Variants in MYBPC3 observed in about 807,000 individuals in gnomAD.
The protein encoded by MYBPC3 is myosin-binding protein C, cardiac-type.
MYBPC3 carries 108 observed loss-of-function variants against 159.3 expected under a neutral mutation model. That is an observed-to-expected ratio of 0.68 (90% CI 0.58 to 0.80). The LOEUF is 0.80. Ranked by LOEUF, MYBPC3 falls within the 30% of genes least tolerant of loss-of-function variation. The pLI is 0.00. For missense variants in MYBPC3, 1,631 were observed against 1,762.1 expected (o/e 0.93, Z 1.33); for synonymous variants, 730 against 702.0 (o/e 1.04, Z -0.63).
rs555303670 is a variant in MYBPC3 at position 47,349,380 on chromosome 11, C to T, written c.654+394G>A. ...GGTTAATCCCTGAGAGTCCCTTGAG[C>T]CCTTAGCCCTGATACTCACCCATCC... On this transcript the variant is annotated intron_variant, in intron 5 of 34. Coordinates refer to ENST00000545968, the MANE Select transcript of MYBPC3 (RefSeq NM_000256.3). Among the ~76,000 whole-genome samples, 10 of 152,240 alleles carry T rather than the reference C, an allele frequency of 6.6e-5. No homozygotes were observed. In the South Asian group the frequency reaches 1.9e-3, roughly 28 times the overall value.
At position 47,347,895 on chromosome 11, in the gene MYBPC3, G is replaced by T. The variant is rs766472497; in HGVS notation, c.783C>A (p.Gly261=). 6.4e-7 allele frequency: 1 copy of T among 1,573,028 alleles called. No homozygotes were observed. The highest frequency in any genetic ancestry group is 2.4e-5 in the East Asian group (1 of 42,506). The change falls in exon 7 of 35, where the codon GGC becomes GGA. Residue 261 remains glycine (G), a synonymous_variant. Coordinates refer to ENST00000545968, the MANE Select transcript of MYBPC3 (RefSeq NM_000256.3). ...CTGATAGGAGGTCCAGGTCTCCGGTGCCCATGGCCTCTGGGTTCAAAGGGT... is the reference window on the plus strand; with the variant it reads ...CTGATAGGAGGTCCAGGTCTCCGGTTCCCATGGCCTCTGGGTTCAAAGGGT... The part of the protein sequence containing the change: ...NFNLTVHEAM[G]TGDLDLLSAF...
intron 18 of MYBPC3, 137 bp downstream of exon 18, chr11:47,341,854 C>T (rs1217393321): frequency 1.7e-6 from 2 of 1,195,844 alleles, no homozygotes; most frequent in African/African-American, 3.1e-5. Flanking sequence ...GGGTCTCTGT[C>T]TCAGTCTCTG....
chr11:47,331,649 C>G lies in MYBPC3; in HGVS notation c.*94G>C. On this transcript the variant is annotated 3_prime_UTR_variant, in exon 35 of 35. Transcript: ENST00000545968. ...GAGACACACTTGTCACACATACATC[C>G]AACAGTAGGGAGGGGTTTCCCCAAC... is the stretch of plus-strand genomic sequence containing the variant. 1 of 598,264 alleles carries G rather than the reference C, an allele frequency of 1.7e-6. No individual in the cohort carries two copies. The highest frequency in any genetic ancestry group is 2.1e-5 in the South Asian group (1 of 47,820). 37.1% of individuals were successfully genotyped at this position (598,264 alleles called of 1,614,324 possible).
At chr11:47,340,937 G>A (rs1383066543) in intron 20 of MYBPC3, 66 bp downstream of exon 20, 2 of 1,448,422 alleles carry the variant, frequency 1.4e-6, no homozygotes, top group African/African-American at 1.4e-5. Context: ...TGAGTGGAGG[G>A]GAGGCCTGCG....
chr11:47,349,776 T>C lies in MYBPC3; in HGVS notation c.652A>G (p.Lys218Glu), dbSNP rs1193448062. ...CTCCACGACCCCGGTGGACCCACCT[T>C]GCTGGCGCGGTCGTAGCTGTCGTGC... ...QLHDSYDRAS[K>E]VYLFELHITD... Residue 218 changes from lysine to glutamate, a missense_variant and splice_region_variant, in exon 5 of 35, where the codon AAG (lysine) becomes GAG (glutamate). Coordinates refer to ENST00000545968, the MANE Select transcript of MYBPC3 (RefSeq NM_000256.3). 1 of 1,604,400 alleles carries C rather than the reference T, an allele frequency of 6.2e-7. No homozygotes were observed. Among genetic ancestry groups the C allele is most frequent in the Non-Finnish European group, 8.5e-7 (1 of 1,179,642 alleles).
intron 20 of MYBPC3, among the ~76,000 whole-genome samples, chr11:47,340,675 TAAAA>T (rs1271657940): frequency 1.3e-5 from 2 of 150,462 alleles, no homozygotes; most frequent in South Asian, 2.1e-4. Context: ...TCAAAAAAAA[TAAAA>T]ATAAAAAAAA....
At chr11:47,350,155 G>C in intron 3 of MYBPC3, 43 bp from the exon 4 acceptor site, 1 of 1,533,804 alleles carries the variant, frequency 6.5e-7, no homozygotes, top group Non-Finnish European at 8.8e-7. Context: ...ATGGAGTCTT[G>C]CTCTGTCACC....
rs1398419759 is a variant in MYBPC3, at chr11:47,337,074, C to T, written c.2602+317G>A. Among the ~76,000 whole-genome samples the T allele has an allele frequency of 3.3e-5, 5 of 152,366 alleles. No individual in the cohort carries two copies. The East Asian group carries it at 9.6e-4, about 29-fold the overall frequency. Reference sequence around the variant, plus strand: ...GCCTGCCTGGTCATCCCATATCATCCTAACAGCTCTCTGAGATAGGCAGTG... The same window carrying T: ...GCCTGCCTGGTCATCCCATATCATCTTAACAGCTCTCTGAGATAGGCAGTG... On this transcript the variant is annotated intron_variant, in intron 25 of 34. Coordinates refer to ENST00000545968, the MANE Select transcript of MYBPC3 (RefSeq NM_000256.3).
intron 25 of MYBPC3, chr11:47,336,489 C>CAAAAAAAAAAAAAAA (rs34527074): frequency 4.4e-5 from 3 of 67,614 alleles, no homozygotes; most frequent in African/African-American, 6.3e-5. Context: ...GACTCCATCT[C>CAAAAAAAAAAAAAAA]AAAAAAAAAA....
rs2095893750 is a variant in MYBPC3, at chr11:47,346,098, G to C, written c.1090+109C>G. On this transcript the variant is annotated intron_variant, in intron 12 of 34. Coordinates refer to ENST00000545968, the MANE Select transcript of MYBPC3 (RefSeq NM_000256.3). The surrounding 1 kb of genome is among the most constrained non-coding windows in gnomAD (Gnocchi z 5.3). ...TGTGGACGAGGTGGGGGGCTAACCT[G>C]TGCCCTCTCCTCTCCCCTGTGGGGA... The C allele has an allele frequency of 6.9e-7, 1 of 1,454,342 alleles. No individual in the cohort carries two copies. The highest frequency in any genetic ancestry group is 2.0e-5 in the Admixed American group (1 of 49,578). The allele number at this position is 1,454,342 out of a possible 1,614,324, so 90.1% of individuals were successfully genotyped here. A position where few individuals can be genotyped will look rare whatever the true frequency, so the allele number is the denominator to read the frequency against.
intron 25 of MYBPC3, among the ~76,000 whole-genome samples, chr11:47,337,057 G>A (rs927704083): frequency 2.6e-5 from 4 of 152,210 alleles, no homozygotes; most frequent in Non-Finnish European, 4.4e-5. Context: ...TGGCCTGCCT[G>A]GTCATCCCAT....
chr11:47,343,576 T>C lies in MYBPC3; in HGVS notation c.1139A>G (p.Lys380Arg), dbSNP rs1377634776. ...AGCCAGTTCCACGGTCAGCCGGATC[T>C]TGTGGCCTTTGCTCACCTGGTAGGC... The part of the protein sequence containing the change: ...EPAYQVSKGH[K>R]IRLTVELADH... The change falls in exon 13 of 35, where the codon AAG (lysine) becomes AGG (arginine). Residue 380 changes from lysine to arginine, a missense_variant. By Grantham distance (26) the Lys-to-Arg change is conservative. Transcript: ENST00000545968. The C allele has an allele frequency of 1.9e-6, 3 of 1,612,890 alleles. No homozygotes were observed. Among genetic ancestry groups the C allele is most frequent in the Middle Eastern group, 1.6e-4 (1 of 6,072 alleles).
chr11:47,338,292 A>T lies in MYBPC3; in HGVS notation c.2308+228T>A, dbSNP rs1275457262. 6.6e-6 allele frequency among the ~76,000 whole-genome samples: 1 copy of T among 151,912 alleles called. No homozygotes were observed. The highest frequency in any genetic ancestry group is 2.4e-5 in the African/African-American group (1 of 41,370). On this transcript the variant is annotated intron_variant, in intron 23 of 34. Coordinates refer to ENST00000545968, the MANE Select transcript of MYBPC3 (RefSeq NM_000256.3). The surrounding 1 kb of genome is among the most constrained non-coding windows in gnomAD (Gnocchi z 4.7). The stretch of plus-strand genomic sequence containing the variant: ...GCTCTCTGCTCAGTGCTCCCACGGC[A>T]CTCTGGACATGGCTCATGTACAGCA...
chr11:47,339,377 G>A lies in MYBPC3; in HGVS notation c.2095C>T (p.Pro699Ser). The A allele has an allele frequency of 6.2e-7, 1 of 1,614,024 alleles. No homozygotes were observed. The highest frequency in any genetic ancestry group is 8.5e-7 in the Non-Finnish European group (1 of 1,179,894). ...TCACCTGTGTCCTCTGGGGCATCTG[G>A]GGCTGGCCTGGCTGGGGCCTTATTC... is the stretch of plus-strand genomic sequence containing the variant. ...QGNKAPARPA[P>S]DAPEDTGDSD... Residue 699 changes from proline (P) to serine (S), a missense_variant, in exon 22 of 35, where the codon CCA becomes TCA. Transcript: ENST00000545968.
chr11:47,350,130 TTC>T lies in MYBPC3; in HGVS notation c.407-20_407-19del. Reference sequence around the variant, plus strand: ...GCTTGACCCTGTGAGCAAAGGCTTTTTCTGTTTGTTTGAGATGGAGTCTTGCT... The same window carrying T: ...GCTTGACCCTGTGAGCAAAGGCTTTTTGTTTGTTTGAGATGGAGTCTTGCT... On this transcript the variant is annotated intron_variant, in intron 3 of 34. Transcript: ENST00000545968. 1 of 1,549,390 alleles carries T rather than the reference TTC, an allele frequency of 6.5e-7. No individual in the cohort carries two copies. Among genetic ancestry groups the T allele is most frequent in the Non-Finnish European group, 8.7e-7 (1 of 1,145,796 alleles).
chr11:47,346,196 GA>G lies in MYBPC3; in HGVS notation c.1090+10del. On this transcript the variant is annotated intron_variant, in intron 12 of 34. Transcript: ENST00000545968. This position sits in a 1 kb window ranked among gnomAD's most constrained non-coding sequence, Gnocchi z 5.3. Reference sequence around the variant, plus strand: ...TGTGCCCTCTCCTCTCCCCTCTGAGGAAGGGCTAACCTGTGCTCTTCTTCTC... The same window carrying G: ...TGTGCCCTCTCCTCTCCCCTCTGAGGAGGGCTAACCTGTGCTCTTCTTCTC... 1 of 1,613,606 alleles carries G rather than the reference GA, an allele frequency of 6.2e-7. No homozygotes were observed. Among genetic ancestry groups the G allele is most frequent in the Non-Finnish European group, 8.5e-7 (1 of 1,179,776 alleles).
rs766270689 is a variant in MYBPC3 at position 47,335,222 on chromosome 11, AG to A, written c.2738-14del. 4 of 1,573,090 alleles carry A rather than the reference AG, an allele frequency of 2.5e-6. No individual in the cohort carries two copies. Among genetic ancestry groups the A allele is most frequent in the South Asian group, 2.3e-5 (2 of 85,552 alleles). ...ACCCACTCTGAGCCTGGGGGTGGGG[AG>A]GGGGAGGCAAGGCCACAGGCTGTGT... On this transcript the variant is annotated splice_polypyrimidine_tract_variant and intron_variant, in intron 26 of 34. Coordinates refer to ENST00000545968, the MANE Select transcript of MYBPC3 (RefSeq NM_000256.3).
chr11:47,335,120 G>A lies in MYBPC3; in HGVS notation c.2827C>T (p.Arg943Ter), dbSNP rs387907267. ...DLPTGARLLF[R>*]VRAHNMAGPG... is the part of the protein sequence containing the mutation. ...CCTGCCATATTGTGTGCCCGCACTC[G>A]GAAAAGCAGCCGGGCCCCCGTGGGC... The change falls in exon 27 of 35, where the codon CGA becomes TGA. Residue 943 changes from arginine to a stop codon, truncating the protein, a stop_gained. Transcript: ENST00000545968. LOFTEE classifies it high-confidence loss of function. 21 of 1,612,276 alleles carry A rather than the reference G, an allele frequency of 1.3e-5. No individual in the cohort carries two copies. The highest frequency in any genetic ancestry group is 9.9e-5 in the South Asian group (9 of 90,838).
Position 47,347,734 on chromosome 11 carries a change from G to A in MYBPC3, c.822-54C>T, listed in dbSNP as rs574757593. 6 of 1,552,118 alleles carry A rather than the reference G, an allele frequency of 3.9e-6. No individual in the cohort carries two copies. In the South Asian group the frequency reaches 7.1e-5, roughly 18 times the overall value. ...CTGCCTGGGAAGCTTGCTCTCCCCT[G>A]CAGCCCCCACTGACTTCAGCTCCGC... On this transcript the variant is annotated intron_variant, in intron 7 of 34. Transcript: ENST00000545968.
Sources: allele counts gnomAD v4.1 joint callset (sites outside exome capture counted in the v4.1 genomes callset), GRCh38; gene constraint gnomAD v4.1.1; non-coding constraint Gnocchi (gnomAD v3.1); transcripts MANE v1.5; gene names NCBI Gene and HGNC (gene_info 2026-07-23, HGNC 2026-07-21).